The following ZPBP2 variants were observed in gnomAD, a reference collection of about 807,000 sequenced individuals.
ZPBP2 encodes the protein zona pellucida-binding protein 2.
A neutral mutation model predicts 37.5 loss-of-function variants in ZPBP2; 34 were observed. That is an observed-to-expected ratio of 0.91 (90% CI 0.69 to 1.21). ZPBP2 has a LOEUF of 1.21. Ranked by LOEUF, ZPBP2 falls within the 50% of genes most tolerant of loss-of-function variation. ZPBP2 has a pLI of 0.00. For synonymous variants in ZPBP2, 143 were observed against 138.4 expected (o/e 1.03, Z -0.23); for missense variants, 397 against 413.5 (o/e 0.96, Z 0.35).
chr17:39,872,988 AATGTTTG>A, intron 5 of ZPBP2, 49 bp from the exon 6 acceptor site: 1 of 1,530,372 alleles, frequency 6.5e-7, no homozygotes, highest in Non-Finnish European at 9.0e-7. Context: ...CCTTTATTGA[AATGTTTG>A]GAACTTTTCA....
In ZPBP2 at chr17:39,871,565, G is replaced by A. The variant is rs777186656; in HGVS notation, c.346G>A (p.Val116Ile). 5.0e-6 allele frequency: 8 copies of A among 1,601,718 alleles called. No individual in the cohort carries two copies. The Admixed American group carries it at 1.4e-4, about 28-fold the overall frequency. The change falls in exon 4 of 8, where the codon GTT becomes ATT. Residue 116 changes from valine to isoleucine, a missense_variant. Coordinates refer to ENST00000348931, the MANE Select transcript of ZPBP2 (RefSeq NM_199321.3). Reference protein sequence around the residue: ...LYTCTLSYKTVKAETQEEKTV... With the variant: ...LYTCTLSYKTIKAETQEEKTV... Reference sequence around the variant, plus strand: ...CACATGTACTCTTTCTTATAAGACTGTTAAAGCAGAAACTCAAGAAGAAAA... The same window carrying A: ...CACATGTACTCTTTCTTATAAGACTATTAAAGCAGAAACTCAAGAAGAAAA...
chr17:39,874,842 C>T (rs1387186093), intron 6 of ZPBP2, among the ~76,000 whole-genome samples: 4 of 152,242 alleles, frequency 2.6e-5, no homozygotes, highest in East Asian at 3.8e-4. Flanking sequence ...CCTCCGCCTC[C>T]GAGGTTCAAG....
Position 39,868,316 on chromosome 17 carries a change from CTG to C in ZPBP2, c.-37_-36del, listed in dbSNP as rs2063344885. 6.2e-7 allele frequency: 1 copy of C among 1,600,812 alleles called. No individual in the cohort carries two copies. The highest frequency in any genetic ancestry group is 1.7e-5 in the Admixed American group (1 of 59,886). On this transcript the variant is annotated 5_prime_UTR_variant, in exon 1 of 8. Transcript: ENST00000348931. Reference sequence around the variant, plus strand: ...GGCCAGGGCTGAGGTAGGAGGGAGTCTGTCCCTCGACGCCTCCTGCGACGCCA... The same window carrying C: ...GGCCAGGGCTGAGGTAGGAGGGAGTCTCCCTCGACGCCTCCTGCGACGCCA...
At chr17:39,875,164 C>G in intron 6 of ZPBP2, 90 bp from the exon 7 acceptor site, 1 of 1,183,900 alleles carries the variant, frequency 8.4e-7, no homozygotes, top group Non-Finnish European at 1.2e-6. Context: ...GTATGGCATG[C>G]TTACAGTACA....
intron 7 of ZPBP2, among the ~76,000 whole-genome samples, chr17:39,876,205 C>CA (rs2063389982): frequency 6.6e-6 from 1 of 152,078 alleles, no homozygotes; most frequent in South Asian, 2.1e-4. Context: ...AGGCATGAGC[C>CA]ACTGCGCCCA....
At chr17:39,871,390 A>G (rs905814565) in intron 3 of ZPBP2, 74 bp from the exon 4 acceptor site, 19 of 1,073,914 alleles carry the variant, frequency 1.8e-5, no homozygotes, top group Middle Eastern at 3.3e-4. Context: ...TTTTGTATCT[A>G]TTTGTAACTC....
At position 39,868,282 on chromosome 17, in the gene ZPBP2, G is replaced by T; in HGVS notation, c.-73G>T. 1 of 1,547,198 alleles carries T rather than the reference G, an allele frequency of 6.5e-7. No homozygotes were observed. On this transcript the variant is annotated 5_prime_UTR_variant, in exon 1 of 8. Coordinates refer to ENST00000348931, the MANE Select transcript of ZPBP2 (RefSeq NM_199321.3). ...TGCTCCGCACTGTGGAGGAGGTGGGGAGGTGTTGGGCCAGGGCTGAGGTAG... is the reference window on the plus strand; with the variant it reads ...TGCTCCGCACTGTGGAGGAGGTGGGTAGGTGTTGGGCCAGGGCTGAGGTAG...
intron 2 of ZPBP2, among the ~76,000 whole-genome samples, chr17:39,868,937 T>G (rs1246641911): frequency 5.3e-5 from 8 of 152,196 alleles, no homozygotes; most frequent in Admixed American, 5.2e-4. Context: ...TTCCAAGGCC[T>G]TCTGTTTGGA....
intron 2 of ZPBP2, among the ~76,000 whole-genome samples, chr17:39,869,092 A>G (rs1037357607): frequency 1.3e-5 from 2 of 152,218 alleles, no homozygotes; most frequent in African/African-American, 4.8e-5. Flanking sequence ...GCCAGTTGAT[A>G]GAATTTGTCA....
intron 4 of ZPBP2, among the ~76,000 whole-genome samples, 153 bp downstream of exon 4, chr17:39,871,778 C>CT (rs1163168364): frequency 6.6e-6 from 1 of 152,154 alleles, no homozygotes; most frequent in Non-Finnish European, 1.5e-5. Context: ...TAAGCAAACT[C>CT]TTAAGTTGAC....
intron 2 of ZPBP2, 67 bp downstream of exon 2, chr17:39,868,681 A>C (rs1265942632): frequency 6.4e-6 from 10 of 1,572,626 alleles, no homozygotes; most frequent in Non-Finnish European, 7.0e-6. Flanking sequence ...TTCCCGGAAG[A>C]GCTTCCTGGA....
intron 6 of ZPBP2, among the ~76,000 whole-genome samples, chr17:39,874,899 T>C (rs972569726): frequency 6.6e-6 from 1 of 152,110 alleles, no homozygotes; most frequent in Non-Finnish European, 1.5e-5. Context: ...TACAGGCACA[T>C]GCCACCACAC....
Position 39,872,480 on chromosome 17 carries a change from C to T in ZPBP2, c.617C>T (p.Ala206Val). The change falls in exon 5 of 8, where the codon GCA (alanine) becomes GTA (valine). Residue 206 changes from alanine (A) to valine (V), a missense_variant. Ala to Val is a moderately conservative substitution (Grantham distance 64). Transcript: ENST00000348931. ...EHGLIHELFI[A>V]FQVNPFAPGW... ...GGCCTCATACATGAGCTATTTATAG[C>T]ATTTCAAGGTAAAATTTTTAAAATT... The T allele has an allele frequency of 3.2e-6, 5 of 1,586,260 alleles. No individual in the cohort carries two copies. Among genetic ancestry groups the T allele is most frequent in the Non-Finnish European group, 4.3e-6 (5 of 1,170,334 alleles).
intron 7 of ZPBP2, 87 bp downstream of exon 7, chr17:39,875,521 T>C (rs2063385492): frequency 1.0e-6 from 1 of 991,892 alleles, no homozygotes; most frequent in Non-Finnish European, 1.4e-6. Flanking sequence ...CTGAATAGAA[T>C]CTTTACAGTG....
At chr17:39,875,466 AGGT>A in intron 7 of ZPBP2, 32 bp downstream of exon 7, 1 of 1,477,400 alleles carries the variant, frequency 6.8e-7, no homozygotes, top group Non-Finnish European at 9.1e-7. Flanking sequence ...CTAAACATTT[AGGT>A]TATAGAGTCA....
intron 2 of ZPBP2, among the ~76,000 whole-genome samples, chr17:39,869,408 T>C (rs1426227293): frequency 2.1e-4 from 28 of 132,668 alleles, no homozygotes; most frequent in South Asian, 1.9e-3. Context: ...CTTCCTTCTT[T>C]TTTTTTTTTT....
Position 39,876,832 on chromosome 17 carries a change from T to C in ZPBP2, c.*23T>C, listed in dbSNP as rs375755095. ...TAGAGGTGAAAGCATTGTTACTTAC[T>C]TGTGGAAGTCGGGGACATAAGATGA... On this transcript the variant is annotated 3_prime_UTR_variant, in exon 8 of 8. Transcript: ENST00000348931. 2.7e-5 allele frequency: 43 copies of C among 1,612,116 alleles called. No individual in the cohort carries two copies. The highest frequency in any genetic ancestry group is 3.3e-5 in the Non-Finnish European group (39 of 1,178,908).
chr17:39,877,379 C>A lies in ZPBP2; in HGVS notation c.*570C>A, dbSNP rs776574519. The A allele has an allele frequency of 6.6e-6, 1 of 152,150 alleles. No individual in the cohort carries two copies. The highest frequency in any genetic ancestry group is 6.5e-5 in the Admixed American group (1 of 15,270). The allele number at this position is 152,150 out of a possible 1,614,324, so 9.4% of individuals were successfully genotyped here. A position where few individuals can be genotyped will look rare whatever the true frequency, so the allele number is the denominator to read the frequency against. On this transcript the variant is annotated 3_prime_UTR_variant, in exon 8 of 8. Coordinates refer to ENST00000348931, the MANE Select transcript of ZPBP2 (RefSeq NM_199321.3). ...ACCCTCATTCCTCCTTACACAATTT[C>A]TCCTATTATTAAGATGGTGCATTAG...
At position 39,875,330 on chromosome 17, in the gene ZPBP2, C is replaced by G. The variant is rs1398185733; in HGVS notation, c.785C>G (p.Ala262Gly). 1 of 1,614,016 alleles carries G rather than the reference C, an allele frequency of 6.2e-7. No homozygotes were observed. The highest frequency in any genetic ancestry group is 2.2e-5 in the East Asian group (1 of 44,870). The part of the protein sequence containing the change: ...FYHNFNKTLP[A>G]MHFVDHSLQV... ...CATAACTTTAATAAAACTCTACCAGCAATGCATTTTGTGGACCACAGTTTG... is the reference window on the plus strand; with the variant it reads ...CATAACTTTAATAAAACTCTACCAGGAATGCATTTTGTGGACCACAGTTTG... The change falls in exon 7 of 8, where the codon GCA (alanine) becomes GGA (glycine). Residue 262 changes from alanine (A) to glycine (G), a missense_variant. Ala to Gly is a moderately conservative substitution (Grantham distance 60). Coordinates refer to ENST00000348931, the MANE Select transcript of ZPBP2 (RefSeq NM_199321.3).
Sources: gnomAD v4.1 joint callset for allele counts (sites outside exome capture counted in the v4.1 genomes callset) on GRCh38, gnomAD v4.1.1 for gene constraint, MANE v1.5 for transcripts, NCBI Gene and HGNC (gene_info 2026-07-23, HGNC 2026-07-21) for gene names.